Variants in TAF11L12 observed in about 807,000 individuals in gnomAD.
TAF11L12 encodes the protein TATA-box binding protein associated factor 11 like 12.
downstream of TAF11L12, among the ~76,000 whole-genome samples, chr5:17,611,924 T>G (rs970563268): frequency 1.3e-5 from 2 of 151,354 alleles, no homozygotes; most frequent in African/African-American, 4.9e-5. Flanking sequence ...ACGGTTTCAT[T>G]CTGAAGCCTG....
At chr5:17,611,492 C>A in exon 1 of TAF11L12, 1 of 397,856 alleles carries the variant, frequency 2.5e-6, no homozygotes, top group Non-Finnish European at 4.4e-6. Context: ...GAAACGCCCC[C>A]GCTGCAGCCC....
exon 1 of TAF11L12, chr5:17,611,119 A>G (rs908211195): frequency 7.5e-5 from 30 of 397,818 alleles, no homozygotes; most frequent in Admixed American, 4.4e-4. Context: ...GGATCAGGAA[A>G]GTGAGCTCAG....
rs540733793 is a variant in TAF11L12 at position 17,611,053 on chromosome 5, G to A, written c.64G>A (p.Gly22Ser). The A allele has an allele frequency of 5.0e-5, 20 of 397,908 alleles. 1 individual carries two copies. The highest frequency in any genetic ancestry group is 3.5e-4 in the African/African-American group (17 of 48,304). 24.6% of individuals were successfully genotyped at this position (397,908 alleles called of 1,614,324 possible). The change falls in exon 1 of 1, where the codon GGC becomes AGC. Residue 22 changes from glycine (G) to serine (S), a missense_variant. Physicochemically the swap from Gly to Ser is moderately conservative, Grantham distance 56. Coordinates refer to ENST00000503184, the Ensembl canonical transcript of TAF11L12. Reference sequence around the variant, plus strand: ...GTTCGCCATGCCCCAAGGTCTGAAGGGCAGCAACAAGGATGGAATCCCTGA... The same window carrying A: ...GTTCGCCATGCCCCAAGGTCTGAAGAGCAGCAACAAGGATGGAATCCCTGA...
downstream of TAF11L12, chr5:17,611,674 A>G (rs1333479427): frequency 7.6e-6 from 3 of 396,502 alleles, no homozygotes; most frequent in Non-Finnish European, 8.9e-6. Flanking sequence ...GAGCTTCCTT[A>G]TCTCAGTCCA....
downstream of TAF11L12, chr5:17,611,664 G>C: frequency 1.0e-5 from 4 of 396,924 alleles, 1 homozygote; most frequent in Non-Finnish European, 1.8e-5. Flanking sequence ...GCATTTGCTG[G>C]AGCTTCCTTA....
chr5:17,611,459 T>G (rs1288383986), exon 1 of TAF11L12: 1 of 397,920 alleles, frequency 2.5e-6, no homozygotes, highest in Non-Finnish European at 4.4e-6. Context: ...GAAGAGGCCC[T>G]GGACGTGTGC....
exon 1 of TAF11L12, chr5:17,610,746 T>C (rs1276718246): frequency 1.4e-5 from 5 of 356,702 alleles, no homozygotes; most frequent in Admixed American, 4.6e-5. Context: ...TGCATTGATC[T>C]AAAACTAATA....
chr5:17,610,767 C>G, exon 1 of TAF11L12: 1 of 376,758 alleles, frequency 2.7e-6, no homozygotes, highest in Non-Finnish European at 4.7e-6. Flanking sequence ...TACTCTCCAT[C>G]CACAAGTTTC....
At chr5:17,611,230 G>T in the TAF11L12 span, 5 of 398,418 alleles carry the variant, frequency 1.3e-5, no homozygotes, top group South Asian at 6.4e-4. Flanking sequence ...GGGGAAGAAG[G>T]AGAGGAAGCC....
chr5:17,611,900 T>A (rs1160331749), downstream of TAF11L12, among the ~76,000 whole-genome samples: 1 of 151,320 alleles, frequency 6.6e-6, no homozygotes, highest in Non-Finnish European at 1.5e-5. Context: ...GGAAACCCTT[T>A]CCAGGAGATT....
chr5:17,610,988 C>G (rs1360163925), exon 1 of TAF11L12: 1 of 397,734 alleles, frequency 2.5e-6, no homozygotes, highest in Non-Finnish European at 4.4e-6. Context: ...TGAATCTCAC[C>G]CATGGAGACA....
At chr5:17,611,280 G>A (rs369377275) in exon 1 of TAF11L12, 11 of 398,046 alleles carry the variant, frequency 2.8e-5, no homozygotes, top group Non-Finnish European at 4.4e-5. Flanking sequence ...CAACCCTGCT[G>A]TATGCCATGT....
Position 17,611,102 on chromosome 5 carries a change from A to C in TAF11L12, c.113A>C (p.Glu38Ala), listed in dbSNP as rs982828002. The change falls in exon 1 of 1, where the codon GAA (glutamate) becomes GCA (alanine). Residue 38 changes from glutamate to alanine, a missense_variant. By Grantham distance (107) the Glu-to-Ala change is moderately radical (BLOSUM62 -1). Transcript: ENST00000503184. Reference sequence around the variant, plus strand: ...GAGGACCTAGATGGGAACTTGGAAGAACCCAGGGATCAGGAAAGTGAGCTC... The same window carrying C: ...GAGGACCTAGATGGGAACTTGGAAGCACCCAGGGATCAGGAAAGTGAGCTC... The C allele has an allele frequency of 1.0e-4, 41 of 397,782 alleles. 1 individual carries two copies. The highest frequency in any genetic ancestry group is 4.4e-4 in the Admixed American group (10 of 22,620). 24.6% of individuals were successfully genotyped at this position (397,782 alleles called of 1,614,324 possible).
At position 17,611,109 on chromosome 5, in the gene TAF11L12, G is replaced by T. The variant is rs1433986114; in HGVS notation, c.120G>T (p.Arg40Ser). Residue 40 changes from arginine to serine, a missense_variant, in exon 1 of 1, where the codon AGG becomes AGT. Coordinates refer to ENST00000503184, the Ensembl canonical transcript of TAF11L12. Reference sequence around the variant, plus strand: ...TAGATGGGAACTTGGAAGAACCCAGGGATCAGGAAAGTGAGCTCAGAAGTC... The same window carrying T: ...TAGATGGGAACTTGGAAGAACCCAGTGATCAGGAAAGTGAGCTCAGAAGTC... 7 of 397,718 alleles carry T rather than the reference G, an allele frequency of 1.8e-5. No individual in the cohort carries two copies. The East Asian group carries it at 2.5e-4, about 14-fold the overall frequency. 24.6% of individuals were successfully genotyped at this position (397,718 alleles called of 1,614,324 possible). A position where few individuals can be genotyped will look rare whatever the true frequency, so the allele number is the denominator to read the frequency against.
chr5:17,611,686 C>T, downstream of TAF11L12: 1 of 395,846 alleles, frequency 2.5e-6, no homozygotes, highest in Non-Finnish European at 4.4e-6. Context: ...CTCAGTCCAC[C>T]CTGGATTCAC....
exon 1 of TAF11L12, chr5:17,611,385 G>A (rs1161733745): frequency 1.3e-5 from 5 of 397,814 alleles, no homozygotes; most frequent in South Asian, 1.3e-4. Flanking sequence ...CTGGCAGATC[G>A]GTGTCTGAGA....
At chr5:17,611,286 C>T (rs1207327480) in exon 1 of TAF11L12, 2 of 397,990 alleles carry the variant, frequency 5.0e-6, no homozygotes, top group Non-Finnish European at 8.9e-6. Context: ...TGCTGTATGC[C>T]ATGTCTGAGG....
exon 1 of TAF11L12, chr5:17,611,433 G>T (rs1579619002): frequency 2.5e-5 from 10 of 397,936 alleles, no homozygotes; most frequent in South Asian, 2.5e-4. Flanking sequence ...CTAAGGTCTT[G>T]GTTGGAGAGG....
At chr5:17,611,036 T>G (rs1157329290) in exon 1 of TAF11L12, 2 of 397,802 alleles carry the variant, frequency 5.0e-6, no homozygotes, top group African/African-American at 4.2e-5. Flanking sequence ...ATGTTCGCCA[T>G]GCCCCAAGGT....
Sources: allele counts gnomAD v4.1 joint callset (sites outside exome capture counted in the v4.1 genomes callset), GRCh38; gene constraint gnomAD v4.1.1; transcripts MANE v1.5; gene names NCBI Gene and HGNC (gene_info 2026-07-23, HGNC 2026-07-21).